SIRPG: variants seen among roughly 807,000 people sequenced by gnomAD.
SIRPG encodes the protein signal regulatory protein gamma, also known as signal-regulatory protein gamma.
A neutral mutation model predicts 35.7 loss-of-function variants in SIRPG; 38 were observed. That is an observed-to-expected ratio of 1.06 (90% CI 0.82 to 1.40). The LOEUF (loss-of-function observed/expected upper bound fraction) is 1.40, where lower values mean the gene tolerates loss of function less well. Among genes scored for constraint, SIRPG ranks in the 40% most tolerant of loss-of-function variants. The pLI is 0.00. For missense variants in SIRPG, 519 were observed against 483.0 expected, an observed-to-expected ratio of 1.07 and a Z score of -0.70; for synonymous variants, 215 against 190.4, an observed-to-expected ratio of 1.13 and a Z score of -1.06.
intron 4 of SIRPG, among the ~76,000 whole-genome samples, chr20:1,632,106 T>C (rs1449178133): frequency 6.6e-6 from 1 of 152,126 alleles, no homozygotes; most frequent in African/African-American, 2.4e-5. Flanking sequence ...GATGGGGAAG[T>C]TGTGGGACCC....
chr20:1,660,148 A>G (rs568224436), upstream of SIRPG, among the ~76,000 whole-genome samples: 5 of 152,370 alleles, frequency 3.3e-5, no homozygotes, highest in African/African-American at 4.8e-5. Flanking sequence ...ATAGGCGGGC[A>G]TGAGGTAACA....
chr20:1,669,595 C>T, the SIRPG span, among the ~76,000 whole-genome samples: 40 of 152,162 alleles, frequency 2.6e-4, no homozygotes, highest in Non-Finnish European at 4.9e-4. Flanking sequence ...AGAGAAAGAA[C>T]AGCAGGAGGG....
chr20:1,674,415 GA>G, the SIRPG span, among the ~76,000 whole-genome samples: 1 of 152,116 alleles, frequency 6.6e-6, no homozygotes, highest in African/African-American at 2.4e-5. Flanking sequence ...CATTTAAAAG[GA>G]TTTAACTCCT....
chr20:1,634,857 C>G (rs1465218070), intron 4 of SIRPG, among the ~76,000 whole-genome samples: 11 of 151,670 alleles, frequency 7.3e-5, no homozygotes, highest in Non-Finnish European at 1.5e-4. Context: ...TCCTGGCTAA[C>G]ACGGTGAAAC....
chr20:1,664,528 G>C, the SIRPG span, among the ~76,000 whole-genome samples: 1 of 152,108 alleles, frequency 6.6e-6, no homozygotes, highest in East Asian at 1.9e-4. Flanking sequence ...ACATTCTAGG[G>C]GGATGCTGTG....
At chr20:1,666,217 G>A in the SIRPG span, 1 of 152,080 alleles carries the variant, frequency 6.6e-6, no homozygotes, top group Non-Finnish European at 1.5e-5. Context: ...TATAAAATGT[G>A]TTTGTTTCAA....
At chr20:1,682,003 G>A in the SIRPG span, among the ~76,000 whole-genome samples, 19 of 152,154 alleles carry the variant, frequency 1.2e-4, no homozygotes, top group Non-Finnish European at 2.1e-4. Flanking sequence ...GCTATAGGCC[G>A]AAGTTTCTGC....
chr20:1,661,902 C>T (rs1466043810), upstream of SIRPG, among the ~76,000 whole-genome samples: 1 of 152,214 alleles, frequency 6.6e-6, no homozygotes, highest in African/African-American at 2.4e-5. Flanking sequence ...GACCCTTCCT[C>T]ATTGACAGCC....
At chr20:1,658,720 A>G (rs953611725), upstream of SIRPG, among the ~76,000 whole-genome samples, 1 of 152,188 alleles carries the variant, frequency 6.6e-6, no homozygotes, top group Non-Finnish European at 1.5e-5. Context: ...GAAACCCAGT[A>G]GGTCATTATT....
chr20:1,650,858 G>A (rs572351288), intron 1 of SIRPG, among the ~76,000 whole-genome samples: 1 of 152,350 alleles, frequency 6.6e-6, no homozygotes, highest in Admixed American at 6.5e-5. Context: ...CCTGAAAGCA[G>A]TGGGAGAGAA....
chr20:1,657,501 C>A, intron 1 of SIRPG, 141 bp downstream of exon 1: 2 of 825,102 alleles, frequency 2.4e-6, no homozygotes, highest in Non-Finnish European at 4.0e-6. Flanking sequence ...GCTCAGCTCC[C>A]TGATCTTCTG....
intron 4 of SIRPG, among the ~76,000 whole-genome samples, chr20:1,634,540 A>G (rs2091777037): frequency 6.6e-6 from 1 of 152,130 alleles, no homozygotes; most frequent in Admixed American, 6.5e-5. Context: ...TCTGAAACAT[A>G]CACAGCAGAT....
upstream of SIRPG, among the ~76,000 whole-genome samples, chr20:1,660,991 T>A (rs1376419671): frequency 1.3e-5 from 2 of 152,180 alleles, no homozygotes; most frequent in Admixed American, 1.3e-4. Context: ...AATCATACCA[T>A]CTTCATAAGT....
the SIRPG span, among the ~76,000 whole-genome samples, chr20:1,667,888 T>A: frequency 6.6e-6 from 1 of 152,216 alleles, no homozygotes; most frequent in Non-Finnish European, 1.5e-5. Context: ...TCAGCTCAAT[T>A]AGAATGCCAA....
At chr20:1,686,146 C>G in the SIRPG span, among the ~76,000 whole-genome samples, 1 of 152,174 alleles carries the variant, frequency 6.6e-6, no homozygotes, top group African/African-American at 2.4e-5. Context: ...GATTCCATCC[C>G]TTGGTAGCCA....
At chr20:1,677,640 C>A in the SIRPG span, among the ~76,000 whole-genome samples, 2 of 152,128 alleles carry the variant, frequency 1.3e-5, no homozygotes, top group African/African-American at 4.8e-5. Flanking sequence ...TGGTGTGTTA[C>A]AACAAAAGAA....
chr20:1,657,834 G>T (rs1203195364), upstream of SIRPG: 1 of 850,498 alleles, frequency 1.2e-6, no homozygotes, highest in Non-Finnish European at 1.8e-6. Context: ...GGCTATGATG[G>T]AATGCAACAG....
At chr20:1,671,044 T>C in the SIRPG span, 1 of 426,666 alleles carries the variant, frequency 2.3e-6, no homozygotes, top group Non-Finnish European at 4.8e-6. Flanking sequence ...AGGGTCCACG[T>C]TGATCTGGAA....
At chr20:1,634,374 T>A (rs1183560379) in intron 4 of SIRPG, among the ~76,000 whole-genome samples, 1 of 147,792 alleles carries the variant, frequency 6.8e-6, no homozygotes, top group Admixed American at 6.6e-5. Flanking sequence ...GCCCGGCTCA[T>A]TTTTTTGTAT....
Sources: allele counts gnomAD v4.1 joint callset (sites outside exome capture counted in the v4.1 genomes callset), GRCh38; gene constraint gnomAD v4.1.1; transcripts MANE v1.5; gene names NCBI Gene and HGNC (gene_info 2026-07-23, HGNC 2026-07-21).